The following OIP5 variants were observed in gnomAD, a reference collection of about 807,000 sequenced individuals.
OIP5 encodes the protein Opa interacting protein 5.
A neutral mutation model predicts 20.3 loss-of-function variants in OIP5; 24 were observed. The ratio of observed to expected loss-of-function variants is 1.18; its 90% CI spans 0.86 to 1.66. OIP5 has a LOEUF of 1.66. OIP5 is among the 40% of genes most tolerant of loss of function. The probability of loss-of-function intolerance (pLI) is 0.00; values close to 1 mark genes in which losing one functional copy is unlikely to be tolerated. For synonymous variants in OIP5, 143 were observed against 121.3 expected (o/e 1.18, Z -1.17); for missense variants, 339 against 289.5 (o/e 1.17, Z -1.24).
chr15:41,315,219 C>G (rs945174606), intron 3 of OIP5, among the ~76,000 whole-genome samples: 2 of 151,598 alleles, frequency 1.3e-5, no homozygotes, highest in Non-Finnish European at 2.9e-5. Flanking sequence ...CACCTGAGGT[C>G]AGGAGTTTGA....
intron 3 of OIP5, among the ~76,000 whole-genome samples, chr15:41,318,986 A>G (rs2140461532): frequency 6.6e-6 from 1 of 152,060 alleles, no homozygotes; most frequent in Non-Finnish European, 1.5e-5. Flanking sequence ...TACAGGCGCG[A>G]GCCATCACAC....
At chr15:41,326,098 G>C (rs1359620139) in intron 2 of OIP5, among the ~76,000 whole-genome samples, 1 of 152,148 alleles carries the variant, frequency 6.6e-6, no homozygotes, top group Non-Finnish European at 1.5e-5. Flanking sequence ...GGGGGCAGAG[G>C]TTTCAGTGAG....
intron 3 of OIP5, among the ~76,000 whole-genome samples, chr15:41,316,564 C>A (rs565938893): frequency 6.6e-6 from 1 of 151,924 alleles, no homozygotes; most frequent in Non-Finnish European, 1.5e-5. Context: ...CCAAGGCGGG[C>A]GGATCACGAG....
In OIP5 at chr15:41,313,058, T is replaced by C. The variant is rs1054276294; in HGVS notation, c.594+215A>G. 5.3e-5 allele frequency among the ~76,000 whole-genome samples: 8 copies of C among 152,138 alleles called. 1 individual carries two copies. Among genetic ancestry groups the C allele is most frequent in the Admixed American group, 4.6e-4 (7 of 15,254 alleles). On this transcript the variant is annotated intron_variant, in intron 4 of 4. Coordinates refer to ENST00000220514, the MANE Select transcript of OIP5 (RefSeq NM_007280.2). ...CCCAGCACAAAGGAGAATGCAGGAG[T>C]GCAGCAGTTGAGCAGCTTTTCCTTT...
chr15:41,311,226 CA>C (rs1272451295), intron 4 of OIP5, among the ~76,000 whole-genome samples: 2 of 152,068 alleles, frequency 1.3e-5, no homozygotes, highest in Non-Finnish European at 1.5e-5. Flanking sequence ...ACTAAAAATA[CA>C]AAAATTATCT....
At chr15:41,320,807 T>C (rs938106772) in intron 2 of OIP5, among the ~76,000 whole-genome samples, 18 of 150,422 alleles carry the variant, frequency 1.2e-4, no homozygotes, top group African/African-American at 3.7e-4. Flanking sequence ...GGAGCGTCTC[T>C]GCCCGCCCGC....
intron 2 of OIP5, among the ~76,000 whole-genome samples, chr15:41,324,025 TCACC>T (rs112410994): frequency 0.27 from 38,096 of 143,416 alleles, 5,519 homozygotes; most frequent in African/African-American, 0.35. Flanking sequence ...TCTTGCTCTG[TCACC>T]CACCCAGGCT....
chr15:41,312,987 G>C (rs1045270448), intron 4 of OIP5, among the ~76,000 whole-genome samples: 2 of 152,160 alleles, frequency 1.3e-5, no homozygotes, highest in African/African-American at 4.8e-5. Context: ...CAATTACAAG[G>C]TATTTGCAAA....
At chr15:41,323,705 A>G (rs961073355) in intron 2 of OIP5, among the ~76,000 whole-genome samples, 5 of 145,424 alleles carry the variant, frequency 3.4e-5, no homozygotes, top group African/African-American at 1.2e-4. Flanking sequence ...TCCTGTGCTC[A>G]AGCAATCCTC....
intron 3 of OIP5, among the ~76,000 whole-genome samples, chr15:41,317,176 CTG>C (rs762489669): frequency 3.5e-4 from 54 of 152,248 alleles, no homozygotes; most frequent in African/African-American, 1.2e-3. Flanking sequence ...TTACTTTTCT[CTG>C]TGTCTGCTTC....
Position 41,332,369 on chromosome 15 carries a change from G to A in OIP5, c.193C>T (p.Gln65Ter). Residue 65 changes from glutamine (Q) to a stop codon, truncating the protein, a stop_gained, in exon 1 of 5, where the codon CAG becomes TAG. Transcript: ENST00000220514. LOFTEE classifies it high-confidence loss of function. Reference protein sequence around the residue: ...LGAEEPAAGPQLPSWLQPERC... With the variant: ...LGAEEPAAGP Reference sequence around the variant, plus strand: ...TCAGGCTGCAGCCAAGACGGCAGCTGCGGGCCGGCGGCTGGCTCCTCAGCC... The same window carrying A: ...TCAGGCTGCAGCCAAGACGGCAGCTACGGGCCGGCGGCTGGCTCCTCAGCC... 6.2e-7 allele frequency: 1 copy of A among 1,612,134 alleles called. No individual in the cohort carries two copies. The highest frequency in any genetic ancestry group is 2.2e-5 in the East Asian group (1 of 44,852).
chr15:41,316,511 C>T (rs1035922736), intron 3 of OIP5, among the ~76,000 whole-genome samples: 4 of 151,736 alleles, frequency 2.6e-5, no homozygotes, highest in Non-Finnish European at 4.4e-5. Flanking sequence ...AAAAAGCGGC[C>T]GGGCGCGGTG....
intron 4 of OIP5, among the ~76,000 whole-genome samples, 156 bp downstream of exon 4, chr15:41,313,117 T>C (rs2047769298): frequency 6.6e-6 from 1 of 152,236 alleles, no homozygotes; most frequent in Admixed American, 6.5e-5. Context: ...GTGGTTTTAG[T>C]ATTTTGTTTT....
intron 4 of OIP5, among the ~76,000 whole-genome samples, chr15:41,313,005 C>A (rs2047768219): frequency 1.3e-5 from 2 of 152,210 alleles, no homozygotes; most frequent in South Asian, 4.1e-4. Context: ...AAAGAAGACA[C>A]CTCTATGGCA....
intron 2 of OIP5, among the ~76,000 whole-genome samples, chr15:41,320,261 C>T (rs1011042222): frequency 6.6e-6 from 1 of 151,980 alleles, no homozygotes; most frequent in Non-Finnish European, 1.5e-5. Flanking sequence ...AATGCGCCCT[C>T]TCCCTCTCCC....
intron 2 of OIP5, among the ~76,000 whole-genome samples, chr15:41,322,175 C>T (rs746917293): frequency 6.6e-6 from 1 of 152,072 alleles, no homozygotes; most frequent in Non-Finnish European, 1.5e-5. Context: ...GTGGTTCACA[C>T]CTACTGTAAT....
At chr15:41,327,816 T>TGAAAAA (rs111709860) in intron 2 of OIP5, among the ~76,000 whole-genome samples, 57,237 of 151,164 alleles carry the variant, frequency 0.38, 11,855 homozygotes, top group African/African-American at 0.57. Flanking sequence ...ATAAAATAAT[T>TGAAAAA]GAAAAGAAAG....
At chr15:41,311,826 A>ACAACAACCTCTATCTCGCAGGTTC (rs1555423859) in intron 4 of OIP5, among the ~76,000 whole-genome samples, 33 of 144,778 alleles carry the variant, frequency 2.3e-4, no homozygotes, top group Admixed American at 4.1e-4. Context: ...TCGGCTTCTC[A>ACAACAACCTCTATCTCGCAGGTTC]AAGTGCTGGG....
At chr15:41,315,089 G>T (rs1287069029) in intron 3 of OIP5, among the ~76,000 whole-genome samples, 1 of 137,022 alleles carries the variant, frequency 7.3e-6, no homozygotes, top group East Asian at 2.1e-4. Flanking sequence ...GTGACAGTGA[G>T]ACCCTGTCTC....
Sources: gnomAD v4.1 joint callset for allele counts (sites outside exome capture counted in the v4.1 genomes callset) on GRCh38, gnomAD v4.1.1 for gene constraint, MANE v1.5 for transcripts, NCBI Gene and HGNC (gene_info 2026-07-23, HGNC 2026-07-21) for gene names.